Variants in CBY1 observed in about 807,000 individuals in gnomAD.
The protein encoded by CBY1 is chibby 1, beta catenin antagonist.
Under a neutral mutation model 15.6 loss-of-function variants are expected in CBY1, and 10 were observed. The observed-to-expected ratio is 0.64, with a 90% CI of 0.40 to 1.09. The LOEUF (loss-of-function observed/expected upper bound fraction) is 1.09, where lower values mean the gene tolerates loss of function less well. CBY1 is among the 50% of genes least tolerant of loss of function. The pLI is 0.01. For synonymous variants in CBY1, 61 were observed against 63.5 expected, an observed-to-expected ratio of 0.96 and a Z score of 0.19; for missense variants, 150 against 160.5, an observed-to-expected ratio of 0.93 and a Z score of 0.35.
chr22:38,659,861 C>CAAAAAA (rs71197126), intron 1 of CBY1, among the ~76,000 whole-genome samples: 1 of 68,382 alleles, frequency 1.5e-5, no homozygotes, highest in Non-Finnish European at 2.8e-5. Context: ...GACTCTGTCT[C>CAAAAAA]AAAAAAAAAA....
At chr22:38,667,412 G>A (rs1342864555) in intron 1 of CBY1, among the ~76,000 whole-genome samples, 2 of 151,934 alleles carry the variant, frequency 1.3e-5, no homozygotes, top group Admixed American at 6.6e-5. Flanking sequence ...GGGCTCCAGC[G>A]ACCCCCCAGC....
chr22:38,660,623 TACACAC>T lies in CBY1; in HGVS notation c.-39+3890_-39+3895del, dbSNP rs67187850. The stretch of plus-strand genomic sequence containing the variant: ...CCATATATGTGTGTGTACAGGTACA[TACACAC>T]ACACACACACACACACGCAGACGCA... On this transcript the variant is annotated intron_variant, in intron 1 of 4. Transcript: ENST00000216029. Among the ~76,000 whole-genome samples, 210 of 149,814 alleles carry T rather than the reference TACACAC, an allele frequency of 1.4e-3. 2 individuals are homozygous for T. The highest frequency in any genetic ancestry group is 4.8e-3 in the African/African-American group (195 of 40,842).
At chr22:38,660,194 T>A (rs977008533) in intron 1 of CBY1, among the ~76,000 whole-genome samples, 1 of 152,084 alleles carries the variant, frequency 6.6e-6, no homozygotes, top group African/African-American at 2.4e-5. Flanking sequence ...AAAATGCATT[T>A]TTTTAACTTT....
chr22:38,661,476 T>C (rs1053466732), intron 1 of CBY1, among the ~76,000 whole-genome samples: 2 of 152,226 alleles, frequency 1.3e-5, no homozygotes, highest in African/African-American at 4.8e-5. Context: ...GTATGATTGT[T>C]TTTAATTCAA....
At chr22:38,667,168 A>G (rs1276717609) in intron 1 of CBY1, among the ~76,000 whole-genome samples, 1 of 149,068 alleles carries the variant, frequency 6.7e-6, no homozygotes, top group Admixed American at 6.7e-5. Context: ...GCACCACCAT[A>G]CCTGGCTAAT....
At chr22:38,659,772 G>A (rs2092416537) in intron 1 of CBY1, among the ~76,000 whole-genome samples, 4 of 148,422 alleles carry the variant, frequency 2.7e-5, no homozygotes, top group South Asian at 2.1e-4. Context: ...TGAGGCGGGA[G>A]AATGGTGTGA....
intron 2 of CBY1, chr22:38,670,215 G>A (rs2092448465): frequency 6.6e-6 from 1 of 152,176 alleles, no homozygotes; most frequent in African/African-American, 2.4e-5. Context: ...AGGCGAAAGA[G>A]TGAGACTCCG....
At chr22:38,661,018 A>T (rs556180222) in intron 1 of CBY1, among the ~76,000 whole-genome samples, 1 of 152,204 alleles carries the variant, frequency 6.6e-6, no homozygotes, top group East Asian at 1.9e-4. Flanking sequence ...GTGACATAGC[A>T]TCAACCCCCC....
intron 1 of CBY1, among the ~76,000 whole-genome samples, chr22:38,659,861 CAAAAAAAAAAA>C (rs71197126): frequency 1.2e-4 from 8 of 68,378 alleles, no homozygotes. Context: ...GACTCTGTCT[CAAAAAAAAAAA>C]AAAAAAAAAA....
At chr22:38,657,075 G>A (rs1012501450) in intron 1 of CBY1, 1 of 974,964 alleles carries the variant, frequency 1.0e-6, no homozygotes, top group African/African-American at 1.8e-5. Flanking sequence ...TGAACTCCTT[G>A]GGGGACACGT....
chr22:38,659,053 A>C (rs1413179364), intron 1 of CBY1, among the ~76,000 whole-genome samples: 1 of 151,912 alleles, frequency 6.6e-6, no homozygotes, highest in East Asian at 1.9e-4. Flanking sequence ...CGCATGCCTC[A>C]GCCTCCTGAG....
At position 38,672,678 on chromosome 22, in the gene CBY1, G is replaced by GA. The variant is rs910136861; in HGVS notation, c.304-477dup. ...TCTACCTCATAGTGAGTTAGTACAAGAAAAGCACCCAGCCTGGCCGACAGA... is the reference window on the plus strand; with the variant it reads ...TCTACCTCATAGTGAGTTAGTACAAGAAAAAGCACCCAGCCTGGCCGACAGA... On this transcript the variant is annotated intron_variant, in intron 4 of 4. Coordinates refer to ENST00000216029, the MANE Select transcript of CBY1 (RefSeq NM_015373.4). 1.5e-4 allele frequency among the ~76,000 whole-genome samples: 23 copies of GA among 151,944 alleles called. 1 individual carries two copies. Among genetic ancestry groups the GA allele is most frequent in the Non-Finnish European group, 2.8e-4 (19 of 67,994 alleles).
At chr22:38,663,644 T>C (rs7410470) in intron 1 of CBY1, among the ~76,000 whole-genome samples, 43,070 of 141,226 alleles carry the variant, frequency 0.3, 6,430 homozygotes, top group East Asian at 0.36. Flanking sequence ...TGCGGTGTGC[T>C]GAGATGGCGC....
chr22:38,663,890 C>CA (rs1814365863), intron 1 of CBY1, among the ~76,000 whole-genome samples: 1 of 150,922 alleles, frequency 6.6e-6, no homozygotes, highest in South Asian at 2.1e-4. Flanking sequence ...GGTTTAGTGG[C>CA]AGGTGTGTGT....
intron 4 of CBY1, chr22:38,671,512 C>T (rs2092452515): frequency 2.9e-6 from 1 of 339,816 alleles, no homozygotes; most frequent in Admixed American, 4.3e-5. Context: ...AGGATAATGG[C>T]AGGAATAGAG....
chr22:38,659,464 G>C (rs1263062732), intron 1 of CBY1, among the ~76,000 whole-genome samples: 1 of 152,014 alleles, frequency 6.6e-6, no homozygotes, highest in Non-Finnish European at 1.5e-5. Context: ...TGGCCAGGCT[G>C]GTCTCAAACT....
chr22:38,673,055 A>C (rs1465473568), intron 4 of CBY1, 104 bp from the exon 5 acceptor site: 1 of 729,254 alleles, frequency 1.4e-6, no homozygotes, highest in Non-Finnish European at 2.4e-6. Context: ...GCAGCATCAG[A>C]GAAGTGGCAG....
chr22:38,673,080 G>A lies in CBY1; in HGVS notation c.304-79G>A, dbSNP rs1397397036. 5.4e-5 allele frequency: 51 copies of A among 942,294 alleles called. No homozygotes were observed. In the East Asian group the frequency reaches 7.6e-4, roughly 14 times the overall value. 58.4% of individuals were successfully genotyped at this position (942,294 alleles called of 1,614,324 possible). On this transcript the variant is annotated intron_variant, in intron 4 of 4. Transcript: ENST00000216029. ...AGAAGTGGCAGGGGGCCTTTCCTCC[G>A]TGTGTAGGGCCGGCCTTGCTAACCC...
At chr22:38,667,254 G>A (rs780570241) in intron 1 of CBY1, among the ~76,000 whole-genome samples, 39 of 152,042 alleles carry the variant, frequency 2.6e-4, no homozygotes, top group Non-Finnish European at 5.3e-4. Flanking sequence ...CAAGTGATCT[G>A]CCTACCTCAG....
Sources: gnomAD v4.1 joint callset for allele counts (sites outside exome capture counted in the v4.1 genomes callset) on GRCh38, gnomAD v4.1.1 for gene constraint, MANE v1.5 for transcripts, NCBI Gene and HGNC (gene_info 2026-07-23, HGNC 2026-07-21) for gene names.